Variants in GRIA2 observed in about 807,000 individuals in gnomAD.
The protein encoded by GRIA2 is glutamate receptor 2.
Under a neutral mutation model 97.3 loss-of-function variants are expected in GRIA2, and 14 were observed. That is an observed-to-expected ratio of 0.14 (90% confidence interval 0.10 to 0.23). GRIA2 has a LOEUF of 0.23. Ranked by LOEUF, GRIA2 falls within the 10% of genes least tolerant of loss-of-function variation. The pLI is 1.00. For synonymous variants in GRIA2, 412 were observed against 387.8 expected, an observed-to-expected ratio of 1.06 and a Z score of -0.73; for missense variants, 558 against 1,069.8, an observed-to-expected ratio of 0.52 and a Z score of 6.67.
chr4:157,280,863 A>T (rs1732560972), intron 2 of GRIA2, among the ~76,000 whole-genome samples: 1 of 152,066 alleles, frequency 6.6e-6, no homozygotes, highest in African/African-American at 2.4e-5. Flanking sequence ...TGAACTATTT[A>T]GTAACAGTCT....
At chr4:157,254,523 G>A (rs1188919090) in intron 2 of GRIA2, among the ~76,000 whole-genome samples, 1 of 151,832 alleles carries the variant, frequency 6.6e-6, no homozygotes, top group East Asian at 1.9e-4. Context: ...AAAAGAAAAA[G>A]GCAAACAACT....
chr4:157,229,453 G>C (rs1013504876), intron 2 of GRIA2, among the ~76,000 whole-genome samples: 13 of 152,066 alleles, frequency 8.5e-5, no homozygotes, highest in African/African-American at 2.9e-4. Context: ...GAAATTTATT[G>C]GTATCTTCAG....
rs559820512 is a variant in GRIA2, at chr4:157,240,433, T to C, written c.229+18626T>C. Among the ~76,000 whole-genome samples, 11 of 152,260 alleles carry C rather than the reference T, an allele frequency of 7.2e-5. 1 individual carries two copies. The South Asian group carries it at 2.3e-3, about 32-fold the overall frequency. ...CTTGGAGTTTCTCATTTTTTTGTTT[T>C]TCTTGCACTGTGAACTTTATCTTAC... On this transcript the variant is annotated intron_variant, in intron 2 of 15. Transcript: ENST00000264426.
chr4:157,311,183 T>A, intron 3 of GRIA2, among the ~76,000 whole-genome samples: 1 of 152,102 alleles, frequency 6.6e-6, no homozygotes, highest in Admixed American at 6.5e-5. Flanking sequence ...TGCAGGAAAA[T>A]GCTTGTTTTA....
At chr4:157,306,654 A>AT in intron 3 of GRIA2, among the ~76,000 whole-genome samples, 1 of 152,194 alleles carries the variant, frequency 6.6e-6, no homozygotes, top group African/African-American at 2.4e-5. Flanking sequence ...GACTCTCATA[A>AT]TACTGGCAAA....
chr4:157,268,946 A>T (rs1731892939), intron 2 of GRIA2, among the ~76,000 whole-genome samples: 1 of 152,120 alleles, frequency 6.6e-6, no homozygotes. Flanking sequence ...GAATTAGAAA[A>T]GTAAAAGTGT....
intron 14 of GRIA2, among the ~76,000 whole-genome samples, chr4:157,362,093 T>C (rs1579395348): frequency 6.6e-6 from 1 of 152,128 alleles, no homozygotes; most frequent in Non-Finnish European, 1.5e-5. Flanking sequence ...TCTGTTTGTA[T>C]TGAATGGCAA....
intron 2 of GRIA2, among the ~76,000 whole-genome samples, chr4:157,265,308 A>T (rs1039526348): frequency 1.3e-5 from 2 of 152,146 alleles, no homozygotes; most frequent in Non-Finnish European, 2.9e-5. Flanking sequence ...ATAACAAACC[A>T]GCCCAAAACT....
intron 2 of GRIA2, among the ~76,000 whole-genome samples, chr4:157,275,053 T>C (rs1732225404): frequency 6.6e-6 from 1 of 152,066 alleles, no homozygotes; most frequent in South Asian, 2.1e-4. Context: ...TTTTAATGAT[T>C]GCCATTCTAA....
At chr4:157,357,174 T>G (rs1477745777) in intron 12 of GRIA2, among the ~76,000 whole-genome samples, 3 of 152,170 alleles carry the variant, frequency 2.0e-5, no homozygotes, top group African/African-American at 4.8e-5. Flanking sequence ...ATGCATATAT[T>G]CTGAATTGTC....
intron 12 of GRIA2, among the ~76,000 whole-genome samples, chr4:157,350,890 G>C (rs1050168352): frequency 6.7e-6 from 1 of 148,636 alleles, no homozygotes; most frequent in African/African-American, 2.5e-5. Flanking sequence ...CTACATGCCA[G>C]ATTTTGCATT....
At chr4:157,263,831 A>G (rs1056327203) in intron 2 of GRIA2, among the ~76,000 whole-genome samples, 2 of 152,098 alleles carry the variant, frequency 1.3e-5, no homozygotes, top group Non-Finnish European at 2.9e-5. Flanking sequence ...GAGAGTCAAG[A>G]TCATAGATGC....
intron 12 of GRIA2, among the ~76,000 whole-genome samples, chr4:157,354,090 T>C (rs1736141586): frequency 1.3e-5 from 2 of 152,202 alleles, no homozygotes; most frequent in East Asian, 3.8e-4. Context: ...GAATACAAAT[T>C]CTTTTAATCC....
intron 3 of GRIA2, among the ~76,000 whole-genome samples, chr4:157,309,316 A>G (rs1437210553): frequency 6.6e-6 from 1 of 151,862 alleles, no homozygotes; most frequent in Admixed American, 6.6e-5. Context: ...GACACGTAGA[A>G]CAAATGAGTT....
At chr4:157,335,550 C>T in intron 9 of GRIA2, 121 bp from the exon 10 acceptor site, 2 of 662,946 alleles carry the variant, frequency 3.0e-6, no homozygotes, top group Non-Finnish European at 5.4e-6. Context: ...GTGTGTTCAC[C>T]ATCTATATTC....
chr4:157,356,189 TTATATATATTTA>T (rs1477533374), intron 12 of GRIA2, among the ~76,000 whole-genome samples: 10 of 85,058 alleles, frequency 1.2e-4, no homozygotes, highest in African/African-American at 1.6e-4. Flanking sequence ...ATATATTTAT[TTATATATATTTA>T]TATATATATT....
chr4:157,289,727 G>T (rs1383622021), intron 2 of GRIA2, among the ~76,000 whole-genome samples: 1 of 151,692 alleles, frequency 6.6e-6, no homozygotes, highest in African/African-American at 2.4e-5. Flanking sequence ...ATATCATACA[G>T]TAGCATGCAA....
chr4:157,221,758 C>T lies in GRIA2; in HGVS notation c.180C>T (p.Pro60=). ...QFSTSEFRLT[P]HIDNLEVANS... is the part of the protein sequence containing the mutation. ...CCACTTCGGAGTTCAGACTGACACC[C>T]CACATCGACAATTTGGAGGTGGCAA... Residue 60 remains proline, a synonymous_variant, in exon 2 of 16, where the codon CCC becomes CCT. Coordinates refer to ENST00000264426, the MANE Select transcript of GRIA2 (RefSeq NM_001083619.3). The T allele has an allele frequency of 6.2e-7, 1 of 1,613,824 alleles. No individual in the cohort carries two copies. The highest frequency in any genetic ancestry group is 8.5e-7 in the Non-Finnish European group (1 of 1,179,702).
rs1231871195 is a variant in GRIA2, at chr4:157,312,843, G to C, written c.634G>C (p.Glu212Gln). 1 of 1,608,270 alleles carries C rather than the reference G, an allele frequency of 6.2e-7. No individual in the cohort carries two copies. Among genetic ancestry groups the C allele is most frequent in the South Asian group, 1.1e-5 (1 of 90,352 alleles). Residue 212 changes from glutamate (E) to glutamine (Q), a missense_variant, in exon 4 of 16, where the codon GAA (glutamate) becomes CAA (glutamine). By Grantham distance (29) the Glu-to-Gln change is conservative. Transcript: ENST00000264426. ...GGAACGGCGTGTAATTCTGGACTGTGAAAGGGATAAAGTAAACGACATTGT... is the reference window on the plus strand; with the variant it reads ...GGAACGGCGTGTAATTCTGGACTGTCAAAGGGATAAAGTAAACGACATTGT... ...KKERRVILDC[E>Q]RDKVNDIVDQ...
Sources: gnomAD v4.1 joint callset for allele counts (sites outside exome capture counted in the v4.1 genomes callset) on GRCh38, gnomAD v4.1.1 for gene constraint, MANE v1.5 for transcripts, NCBI Gene and HGNC (gene_info 2026-07-23, HGNC 2026-07-21) for gene names.